MYT1L: variants seen among roughly 807,000 people sequenced by gnomAD.
MYT1L encodes the protein myelin transcription factor 1-like protein.
MYT1L carries 12 observed loss-of-function variants against 126.7 expected under a neutral mutation model. The observed-to-expected ratio is 0.09, with a 90% CI of 0.06 to 0.15. MYT1L has a LOEUF of 0.15. Ranked by LOEUF, MYT1L falls within the 10% of genes least tolerant of loss-of-function variation. The pLI is 1.00. For missense variants in MYT1L, 979 were observed against 1,585.2 expected (o/e 0.62, Z 6.49); for synonymous variants, 541 against 604.2 (o/e 0.90, Z 1.53).
intron 3 of MYT1L, among the ~76,000 whole-genome samples, chr2:2,115,926 A>C (rs2080153845): frequency 6.7e-6 from 1 of 150,254 alleles, no homozygotes; most frequent in Admixed American, 6.6e-5. Context: ...CCTGCTGTGC[A>C]GTTGAGGAAG....
At chr2:1,984,745 G>A (rs924436978) in intron 5 of MYT1L, among the ~76,000 whole-genome samples, 10 of 151,906 alleles carry the variant, frequency 6.6e-5, no homozygotes, top group East Asian at 1.9e-4. Context: ...TCCTGACTTC[G>A]TGATCCACCT....
chr2:1,883,048 G>A (rs1432745970), intron 18 of MYT1L, among the ~76,000 whole-genome samples: 1 of 152,198 alleles, frequency 6.6e-6, no homozygotes, highest in Non-Finnish European at 1.5e-5. Context: ...GGGACCAAAA[G>A]TACAATCTGC....
rs79074438 is a variant in MYT1L at position 1,870,681 on chromosome 2, G to A, written c.2711+15858C>T. 4.8e-3 allele frequency among the ~76,000 whole-genome samples: 732 copies of A among 152,270 alleles called. 9 individuals carry two copies. The highest frequency in any genetic ancestry group is 0.017 in the African/African-American group (707 of 41,542). Reference sequence around the variant, plus strand: ...GAACTCCAAAAGGGACATTTTACACGATCTGTGTTTTCTCTTTATGTGATT... The same window carrying A: ...GAACTCCAAAAGGGACATTTTACACAATCTGTGTTTTCTCTTTATGTGATT... On this transcript the variant is annotated intron_variant, in intron 18 of 24. Transcript: ENST00000647738.
intron 2 of MYT1L, among the ~76,000 whole-genome samples, chr2:2,178,501 T>C (rs74769065): frequency 0.11 from 17,464 of 152,204 alleles, 1,041 homozygotes; most frequent in African/African-American, 0.16. Context: ...AAAGGCGGAT[T>C]GGTGCCGTGT....
At chr2:1,879,813 A>G (rs2047321605) in intron 18 of MYT1L, among the ~76,000 whole-genome samples, 1 of 151,940 alleles carries the variant, frequency 6.6e-6, no homozygotes, top group South Asian at 2.1e-4. Context: ...TTTTTGAAAT[A>G]GGTTGTATAA....
rs1428261378 is a variant in MYT1L at position 1,979,731 on chromosome 2, C to T, written c.47G>A (p.Gly16Glu). ...GGGAAGCGCGGACATACCTCGAACC[C>T]CTTTGGACCGCGTGCGATGCCGCTT... ...EEKRHRTRSK[G>E]VRVPVEPAIQ... The change falls in exon 6 of 25, where the codon GGG (glycine) becomes GAG (glutamate). Residue 16 changes from glycine (G) to glutamate (E), a missense_variant. By Grantham distance (98) the Gly-to-Glu change is moderately conservative (BLOSUM62 -2). Coordinates refer to ENST00000647738, the MANE Select transcript of MYT1L (RefSeq NM_001303052.2). This position sits in a 1 kb window ranked among gnomAD's most constrained non-coding sequence, Gnocchi z 4.0. The T allele has an allele frequency of 6.2e-7, 1 of 1,613,992 alleles. No homozygotes were observed. The highest frequency in any genetic ancestry group is 8.5e-7 in the Non-Finnish European group (1 of 1,179,898).
At chr2:1,991,290 G>A (rs1197872214) in intron 5 of MYT1L, among the ~76,000 whole-genome samples, 2 of 152,106 alleles carry the variant, frequency 1.3e-5, no homozygotes, top group East Asian at 1.9e-4. Flanking sequence ...CCCCTCTTGT[G>A]AGGGTCTCGC....
chr2:1,892,723 T>G (rs1294628529), intron 14 of MYT1L, among the ~76,000 whole-genome samples: 1 of 152,038 alleles, frequency 6.6e-6, no homozygotes, highest in South Asian at 2.1e-4. Context: ...CCGCAGCACA[T>G]GAGGGCTCGT....
At chr2:1,899,185 A>T (rs1015816130) in intron 14 of MYT1L, among the ~76,000 whole-genome samples, 1 of 152,206 alleles carries the variant, frequency 6.6e-6, no homozygotes, top group Non-Finnish European at 1.5e-5. Flanking sequence ...ATTTTGTAGC[A>T]AATGTTTCGG....
chr2:2,043,259 T>C (rs1190878833), intron 4 of MYT1L, among the ~76,000 whole-genome samples: 1 of 152,212 alleles, frequency 6.6e-6, no homozygotes, highest in Non-Finnish European at 1.5e-5. Flanking sequence ...ACCTAGTCCC[T>C]TGTATTAAAT....
chr2:1,884,431 A>G (rs2047932818), intron 18 of MYT1L, among the ~76,000 whole-genome samples: 1 of 152,222 alleles, frequency 6.6e-6, no homozygotes, highest in Non-Finnish European at 1.5e-5. Flanking sequence ...GGCTTGAGAG[A>G]CCCACTCAAC....
chr2:2,182,380 A>G (rs2091633940), intron 2 of MYT1L, among the ~76,000 whole-genome samples: 1 of 152,206 alleles, frequency 6.6e-6, no homozygotes, highest in Non-Finnish European at 1.5e-5. Context: ...ATTCTGGGCT[A>G]GCTGATATTT....
At position 1,790,967 on chromosome 2, in the gene MYT1L, T is replaced by C; in HGVS notation, c.*900A>G. ...GACAGTTCAGAGGGGCACGAAACTC[T>C]AGGGGAGATACGAGAAGGTTGTTCC... On this transcript the variant is annotated 3_prime_UTR_variant, in exon 25 of 25. Transcript: ENST00000647738. 3.6e-6 allele frequency: 1 copy of C among 280,326 alleles called. No homozygotes were observed. Among genetic ancestry groups the C allele is most frequent in the Non-Finnish European group, 7.1e-6 (1 of 141,628 alleles). The allele number at this position is 280,326 out of a possible 1,614,324, so 17.4% of individuals were successfully genotyped here. A position where few individuals can be genotyped will look rare whatever the true frequency, so the allele number is the denominator to read the frequency against.
In MYT1L at chr2:2,177,084, G is replaced by A. The variant is rs552890268; in HGVS notation, c.-420-4096C>T. Among the ~76,000 whole-genome samples the A allele has an allele frequency of 1.0e-3, 154 of 152,358 alleles. 1 individual carries two copies. Among genetic ancestry groups the A allele is most frequent in the Middle Eastern group, 3.4e-3 (1 of 294 alleles). On this transcript the variant is annotated intron_variant, in intron 2 of 24. Transcript: ENST00000647738. ...CACTCCCACTGCTGAGGAAGGGGAT[G>A]AGAGCCTTCCCCGTCTGCTGTGTAG...
At chr2:1,952,025 A>T (rs1471433270) in intron 8 of MYT1L, among the ~76,000 whole-genome samples, 1 of 152,202 alleles carries the variant, frequency 6.6e-6, no homozygotes, top group Non-Finnish European at 1.5e-5. Context: ...AAAATATTAC[A>T]TTAAATATAT....
intron 2 of MYT1L, among the ~76,000 whole-genome samples, chr2:2,275,665 C>T (rs1280944124): frequency 1.3e-5 from 2 of 152,188 alleles, no homozygotes; most frequent in Non-Finnish European, 2.9e-5. Context: ...GGAATGTGAG[C>T]ATCACTTACC....
intron 5 of MYT1L, among the ~76,000 whole-genome samples, chr2:1,992,165 A>T (rs1309765579): frequency 1.3e-5 from 2 of 152,084 alleles, no homozygotes; most frequent in African/African-American, 4.8e-5. Context: ...TGCACAGTTC[A>T]CTGGCTGTAA....
chr2:2,037,570 A>C (rs2067005141), intron 4 of MYT1L, among the ~76,000 whole-genome samples: 2 of 151,984 alleles, frequency 1.3e-5, no homozygotes, highest in Non-Finnish European at 1.5e-5. Context: ...AGCCTGGCCA[A>C]CATGGCGAAA....
intron 21 of MYT1L, among the ~76,000 whole-genome samples, chr2:1,831,620 C>T (rs2040198319): frequency 2.0e-5 from 3 of 152,218 alleles, no homozygotes; most frequent in African/African-American, 7.2e-5. Context: ...AGTTGTATTC[C>T]CACGGCCAAT....
Sources: gnomAD v4.1 joint callset for allele counts (sites outside exome capture counted in the v4.1 genomes callset) on GRCh38, gnomAD v4.1.1 for gene constraint, Gnocchi (gnomAD v3.1) non-coding constraint, MANE v1.5 for transcripts, NCBI Gene and HGNC (gene_info 2026-07-23, HGNC 2026-07-21) for gene names.